Variants in HDGFL2 observed in about 807,000 individuals in gnomAD.
HDGFL2 encodes hepatoma-derived growth factor-related protein 2.
A neutral mutation model predicts 77.1 loss-of-function variants in HDGFL2; 36 were observed. The ratio of observed to expected loss-of-function variants is 0.47; its 90% CI spans 0.36 to 0.62. The LOEUF is 0.62. Ranked by LOEUF, HDGFL2 falls within the 20% of genes least tolerant of loss-of-function variation. The probability of loss-of-function intolerance (pLI) is 0.00; values close to 1 mark genes in which losing one functional copy is unlikely to be tolerated. For synonymous variants in HDGFL2, 463 were observed against 413.1 expected, an observed-to-expected ratio of 1.12 and a Z score of -1.46; for missense variants, 976 against 973.4, an observed-to-expected ratio of 1.00 and a Z score of -0.04.
At chr19:4,497,059 GAC>G (rs1180760595) in intron 10 of HDGFL2, 1 of 413,610 alleles carries the variant, frequency 2.4e-6, no homozygotes, top group Non-Finnish European at 4.8e-6. Context: ...TGCTTTAGTA[GAC>G]ACGGGGTTTC....
At position 4,488,812 on chromosome 19, in the gene HDGFL2, G is replaced by A; in HGVS notation, c.425G>A (p.Ser142Asn). 2 of 1,551,818 alleles carry A rather than the reference G, an allele frequency of 1.3e-6. No individual in the cohort carries two copies. Among genetic ancestry groups the A allele is most frequent in the Non-Finnish European group, 8.7e-7 (1 of 1,147,120 alleles). ...ACAGCTGCCAGCGACAGGATGGAGA[G>A]CGACTCAGACTCAGACAAGAGTAGC... ...TATAASDRME[S>N]DSDSDKSSDN... The change falls in exon 4 of 16, where the codon AGC becomes AAC. Residue 142 changes from serine to asparagine, a missense_variant. Ser to Asn is a conservative substitution (Grantham distance 46). Coordinates refer to ENST00000616600, the MANE Select transcript of HDGFL2 (RefSeq NM_001001520.3).
intron 3 of HDGFL2, among the ~76,000 whole-genome samples, chr19:4,477,972 C>T (rs1206438539): frequency 2.0e-5 from 3 of 150,458 alleles, no homozygotes; most frequent in Admixed American, 6.7e-5. Context: ...CCCAGCTACT[C>T]GGGAGGCTGA....
chr19:4,494,940 G>A (rs369708804), intron 9 of HDGFL2, among the ~76,000 whole-genome samples: 2 of 151,922 alleles, frequency 1.3e-5, no homozygotes, highest in African/African-American at 4.8e-5. Flanking sequence ...AAAGGAGGGA[G>A]GAGCTGTACA....
chr19:4,491,502 T>C, intron 4 of HDGFL2, 64 bp from the exon 5 acceptor site: 1 of 1,437,570 alleles, frequency 7.0e-7, no homozygotes, highest in Non-Finnish European at 9.8e-7. Context: ...GGCAGTCAGC[T>C]GGGGGCTTCC....
chr19:4,495,594 C>T (rs1279890606), intron 9 of HDGFL2, among the ~76,000 whole-genome samples: 1 of 151,566 alleles, frequency 6.6e-6, no homozygotes, highest in Admixed American at 6.6e-5. Flanking sequence ...CGGTGGGGAA[C>T]GGACAGAGCA....
chr19:4,500,257 G>C (rs957072912), intron 14 of HDGFL2, among the ~76,000 whole-genome samples: 6 of 152,286 alleles, frequency 3.9e-5, no homozygotes, highest in African/African-American at 1.2e-4. Context: ...TGCGGCCCAG[G>C]GGGCAGCCGA....
chr19:4,493,282 CTG>C (rs768539106), intron 6 of HDGFL2, among the ~76,000 whole-genome samples: 1 of 118,406 alleles, frequency 8.4e-6, no homozygotes, highest in Non-Finnish European at 1.8e-5. Context: ...TGTGTGTTGT[CTG>C]TGTGTGGTGT....
intron 3 of HDGFL2, 147 bp from the exon 4 acceptor site, chr19:4,488,529 C>T: frequency 1.4e-6 from 1 of 735,310 alleles, no homozygotes. Flanking sequence ...TCTTCTGGGC[C>T]TCGGTTTCCC....
At chr19:4,499,300 C>T (rs1012765518) in intron 13 of HDGFL2, among the ~76,000 whole-genome samples, 191 bp from the exon 14 acceptor site, 5 of 151,636 alleles carry the variant, frequency 3.3e-5, no homozygotes, top group East Asian at 3.9e-4. Flanking sequence ...GAGCCGAGAT[C>T]GCGCCACTGC....
intron 12 of HDGFL2, 51 bp from the exon 13 acceptor site, chr19:4,498,763 C>T (rs774251652): frequency 4.5e-6 from 6 of 1,325,270 alleles, no homozygotes; most frequent in Non-Finnish European, 6.4e-6. Flanking sequence ...CCTGGGACCC[C>T]TGGGGATCCC....
At chr19:4,500,014 G>T (rs545605361) in intron 14 of HDGFL2, among the ~76,000 whole-genome samples, 9 of 144,398 alleles carry the variant, frequency 6.2e-5, no homozygotes, top group Admixed American at 2.1e-4. Flanking sequence ...CGCCCAGAGA[G>T]GGGGGTGGCT....
At chr19:4,484,276 A>T (rs1429296573) in intron 3 of HDGFL2, among the ~76,000 whole-genome samples, 1 of 146,234 alleles carries the variant, frequency 6.8e-6, no homozygotes. Context: ...TAGAGACAGC[A>T]TTTGGCCATC....
In HDGFL2 at chr19:4,491,825, G is replaced by A. The variant is rs371705151; in HGVS notation, c.668G>A (p.Arg223Gln). 38 of 1,613,286 alleles carry A rather than the reference G, an allele frequency of 2.4e-5. No individual in the cohort carries two copies. The highest frequency in any genetic ancestry group is 6.7e-5 in the Admixed American group (4 of 59,912). The change falls in exon 6 of 16, where the codon CGG becomes CAG. Residue 223 changes from arginine to glutamine, a missense_variant. Around this residue, in one of 5 missense-constraint regions of HDGFL2, gnomAD observed 567 missense variants for 534.7 expected, o/e 1.06. Transcript: ENST00000616600. ...RAPRRGPLGGRKKKKAPSASD... is the reference protein window; with the variant it reads ...RAPRRGPLGGQKKKKAPSASD... Reference sequence around the variant, plus strand: ...CCACGGAGGGGCCCTCTGGGGGGACGGAAAAAAAAGGTAGCGTGCACTTGA... The same window carrying A: ...CCACGGAGGGGCCCTCTGGGGGGACAGAAAAAAAAGGTAGCGTGCACTTGA...
Position 4,498,871 on chromosome 19 carries a change from C to A in HDGFL2, c.1531C>A (p.Gln511Lys). Residue 511 changes from glutamine (Q) to lysine (K), a missense_variant, in exon 13 of 16, where the codon CAG becomes AAG. Around this residue, in one of 5 missense-constraint regions of HDGFL2, gnomAD observed 46 missense variants for 81.3 expected, o/e 0.57. Transcript: ENST00000616600. ...EELGTLQVTSQILQKNTDVVA... is the reference protein window; with the variant it reads ...EELGTLQVTSKILQKNTDVVA... ...GCTGGGAACCCTGCAGGTGACCTCT[C>A]AGATCCTCCAGAAGAACACAGACGT... 6.2e-7 allele frequency: 1 copy of A among 1,612,122 alleles called. No individual in the cohort carries two copies. The highest frequency in any genetic ancestry group is 1.1e-5 in the South Asian group (1 of 90,716).
chr19:4,494,318 G>T lies in HDGFL2; in HGVS notation c.1067G>T (p.Arg356Leu). ...EKEEKERRRERADRGEAERGS... is the reference protein window; with the variant it reads ...EKEEKERRRELADRGEAERGS... The stretch of plus-strand genomic sequence containing the variant: ...GAGGAGAAGGAGCGGAGGCGCGAGC[G>T]GGCCGACCGCGGGGAGGCTGAGCGG... The change falls in exon 9 of 16, where the codon CGG (arginine) becomes CTG (leucine). Residue 356 changes from arginine to leucine, a missense_variant. By Grantham distance (102) the Arg-to-Leu change is moderately radical. Coordinates refer to ENST00000616600, the MANE Select transcript of HDGFL2 (RefSeq NM_001001520.3). 7.0e-7 allele frequency: 1 copy of T among 1,424,516 alleles called. No homozygotes were observed. Among genetic ancestry groups the T allele is most frequent in the Non-Finnish European group, 9.2e-7 (1 of 1,092,780 alleles). The allele number at this position is 1,424,516 out of a possible 1,614,324, so 88.2% of individuals were successfully genotyped here.
Position 4,502,112 on chromosome 19 carries a change from T to G in HDGFL2, c.*102T>G, listed in dbSNP as rs1321042707. ...CAGAGAACTGTGGGGAACGCTGTGC[T>G]GTTTGTATTTGTTCCCTTGGGTTTT... On this transcript the variant is annotated 3_prime_UTR_variant, in exon 16 of 16. Coordinates refer to ENST00000616600, the MANE Select transcript of HDGFL2 (RefSeq NM_001001520.3). The G allele has an allele frequency of 2.4e-6, 2 of 831,070 alleles. No homozygotes were observed. The highest frequency in any genetic ancestry group is 4.1e-5 in the Admixed American group (2 of 48,908). The allele number at this position is 831,070 out of a possible 1,614,324, so 51.5% of individuals were successfully genotyped here.
At chr19:4,477,790 G>A (rs1390945866) in intron 3 of HDGFL2, among the ~76,000 whole-genome samples, 1 of 152,112 alleles carries the variant, frequency 6.6e-6, no homozygotes. Context: ...TGTTTAAGAT[G>A]CAGATTCCTG....
Position 4,486,700 on chromosome 19 carries a change from G to A in HDGFL2, c.289-1976G>A, listed in dbSNP as rs570857019. 2.0e-5 allele frequency among the ~76,000 whole-genome samples: 3 copies of A among 151,944 alleles called. No homozygotes were observed. The South Asian group carries it at 6.2e-4, about 32-fold the overall frequency. On this transcript the variant is annotated intron_variant, in intron 3 of 15. Transcript: ENST00000616600. ...TAAAAATACAAAAAATACACCTGGC[G>A]CTCATACATTTTCCTCCCACAAGCA...
chr19:4,498,632 C>G (rs564504307), intron 12 of HDGFL2, among the ~76,000 whole-genome samples, 182 bp from the exon 13 acceptor site: 1 of 152,086 alleles, frequency 6.6e-6, no homozygotes, highest in Non-Finnish European at 1.5e-5. Flanking sequence ...GTACCTGGGA[C>G]CCCAAGTATC....
Sources: allele counts gnomAD v4.1 joint callset (sites outside exome capture counted in the v4.1 genomes callset), GRCh38; gene constraint gnomAD v4.1.1; regional missense constraint gnomAD v4.1.1; transcripts MANE v1.5; gene names NCBI Gene and HGNC (gene_info 2026-07-23, HGNC 2026-07-21).